Variants in LGALS3 observed in about 807,000 individuals in gnomAD.
LGALS3 encodes galectin 3.
Under a neutral mutation model 20.7 loss-of-function variants are expected in LGALS3, and 18 were observed. That is an observed-to-expected ratio of 0.87 (90% CI 0.60 to 1.29). The LOEUF is 1.29. LGALS3 is among the 50% of genes most tolerant of loss of function. The pLI, the probability that LGALS3 is intolerant of heterozygous loss-of-function variation, is 0.00. For synonymous variants in LGALS3, 112 were observed against 119.6 expected (o/e 0.94, Z 0.42); for missense variants, 315 against 314.7 (o/e 1.00, Z -0.01).
chr14:55,133,986 T>G (rs1247714385), intron 1 of LGALS3, among the ~76,000 whole-genome samples: 1 of 152,262 alleles, frequency 6.6e-6, no homozygotes, highest in Non-Finnish European at 1.5e-5. Context: ...CATGTAGGGA[T>G]ACACTGCTAA....
chr14:55,141,594 A>G (rs1159236435), intron 4 of LGALS3, among the ~76,000 whole-genome samples: 2 of 152,216 alleles, frequency 1.3e-5, no homozygotes, highest in Non-Finnish European at 2.9e-5. Context: ...GAAATGGTTA[A>G]TGGTAGTAAA....
At chr14:55,138,659 A>G (rs1015530751) in intron 3 of LGALS3, among the ~76,000 whole-genome samples, 4 of 152,218 alleles carry the variant, frequency 2.6e-5, no homozygotes, top group African/African-American at 9.6e-5. Context: ...TGTCAATAGT[A>G]TGCATCTACA....
intron 3 of LGALS3, among the ~76,000 whole-genome samples, chr14:55,139,451 C>G (rs1426891963): frequency 6.6e-6 from 1 of 152,096 alleles, no homozygotes; most frequent in African/African-American, 2.4e-5. Context: ...CTAGTACACA[C>G]CAGGACTAGA....
At chr14:55,137,026 G>A (rs1423220005) in intron 1 of LGALS3, among the ~76,000 whole-genome samples, 3 of 152,196 alleles carry the variant, frequency 2.0e-5, no homozygotes, top group Non-Finnish European at 4.4e-5. Flanking sequence ...AACTATGTCT[G>A]GAGGTCATTG....
intron 1 of LGALS3, among the ~76,000 whole-genome samples, chr14:55,134,312 C>T (rs562524357): frequency 6.6e-6 from 1 of 152,306 alleles, no homozygotes; most frequent in Admixed American, 6.5e-5. Flanking sequence ...CACAGGACAG[C>T]GCCCCACAGC....
chr14:55,138,378 C>T lies in LGALS3; in HGVS notation c.342+10C>T, dbSNP rs1881500003. On this transcript the variant is annotated intron_variant, in intron 3 of 5. Transcript: ENST00000254301. ...CCCTGCTGGGCCACTGGTGAGATGG[C>T]ATTCCTTCTTTCATGTACTTGACAT... is the stretch of plus-strand genomic sequence containing the variant. 1 of 1,612,262 alleles carries T rather than the reference C, an allele frequency of 6.2e-7. No homozygotes were observed. The highest frequency in any genetic ancestry group is 1.3e-5 in the African/African-American group (1 of 74,938).
rs764344346 is a variant in LGALS3 at position 55,129,551 on chromosome 14, CCA to C, written c.-5+257_-5+258del. Among the ~76,000 whole-genome samples the C allele has an allele frequency of 1.4e-4, 21 of 152,328 alleles. No homozygotes were observed. Among genetic ancestry groups the C allele is most frequent in the Admixed American group, 3.3e-4 (5 of 15,310 alleles). On this transcript the variant is annotated intron_variant, in intron 1 of 5. Transcript: ENST00000254301. This position sits in a 1 kb window ranked among gnomAD's most constrained non-coding sequence, Gnocchi z 5.3. ...GAAGGTTGGCAGCACCTTACGAGAC[CCA>C]CACACGTCCCCGGGGCGGCACGGGC...
intron 1 of LGALS3, among the ~76,000 whole-genome samples, chr14:55,130,962 CAAT>C (rs1162357041): frequency 6.6e-6 from 1 of 152,174 alleles, no homozygotes; most frequent in East Asian, 1.9e-4. Context: ...TTTTCTACAA[CAAT>C]AGTCTCCCTT....
intron 3 of LGALS3, among the ~76,000 whole-genome samples, chr14:55,139,786 G>A (rs769433400): frequency 6.6e-6 from 1 of 152,226 alleles, no homozygotes. Context: ...GAACCTCACA[G>A]TGTTAACAGT....
intron 1 of LGALS3, among the ~76,000 whole-genome samples, chr14:55,135,918 A>G (rs966795101): frequency 2.0e-5 from 3 of 152,216 alleles, no homozygotes; most frequent in African/African-American, 7.2e-5. Flanking sequence ...CTTGGGGCCG[A>G]TGCCATTTCT....
At chr14:55,138,597 A>G in intron 3 of LGALS3, 3 of 637,636 alleles carry the variant, frequency 4.7e-6, no homozygotes, top group Non-Finnish European at 8.3e-6. Context: ...ATATAAATCA[A>G]GATTGTAGTA....
chr14:55,137,093 G>T (rs1881419794), intron 1 of LGALS3: 3 of 545,094 alleles, frequency 5.5e-6, no homozygotes, highest in African/African-American at 3.8e-5. Context: ...CCAGAGTAGG[G>T]GATGGGGCAG....
Position 55,142,650 on chromosome 14 carries a change from CA to C in LGALS3, c.500del (p.Asn167ThrfsTer47). ...ACTTTAACCCACGCTTCAATGAGAA[CA>C]ACAGGAGAGTCATTGTTTGCAATAC... ...FHFNPRFNEN[N>X]RRVIVCNTKL... On this transcript the variant is annotated frameshift_variant, in exon 5 of 6. Transcript: ENST00000254301. LOFTEE classifies it high-confidence loss of function. 1.2e-6 allele frequency: 2 copies of C among 1,612,372 alleles called. No individual in the cohort carries two copies. The highest frequency in any genetic ancestry group is 1.7e-6 in the Non-Finnish European group (2 of 1,178,436).
intron 2 of LGALS3, chr14:55,137,737 G>C: frequency 7.5e-7 from 1 of 1,334,458 alleles, no homozygotes; most frequent in Non-Finnish European, 9.6e-7. Context: ...TTTTTCTCAC[G>C]GTGATGAAAA....
chr14:55,141,820 T>C (rs80057912), intron 4 of LGALS3, among the ~76,000 whole-genome samples: 2,096 of 152,304 alleles, frequency 0.014, 58 homozygotes, highest in African/African-American at 0.048. Flanking sequence ...TCTTTGTTAG[T>C]TGGTCTAGAG....
intron 1 of LGALS3, among the ~76,000 whole-genome samples, chr14:55,135,560 G>GGT (rs1555380241): frequency 0.019 from 2,062 of 106,666 alleles, 104 homozygotes; most frequent in African/African-American, 0.079. Flanking sequence ...ATATTTTATG[G>GGT]TTTTTTTTTT....
At chr14:55,130,013 C>T (rs1044322462) in intron 1 of LGALS3, among the ~76,000 whole-genome samples, 20 of 152,316 alleles carry the variant, frequency 1.3e-4, no homozygotes, top group African/African-American at 4.6e-4. Context: ...GGTGCTTGCC[C>T]CATGGCCTGA....
chr14:55,137,240 G>T, intron 1 of LGALS3, 130 bp from the exon 2 acceptor site: 1 of 890,376 alleles, frequency 1.1e-6, no homozygotes, highest in Non-Finnish European at 1.9e-6. Context: ...TTTTTGTGGC[G>T]CCACACTACT....
intron 1 of LGALS3, among the ~76,000 whole-genome samples, chr14:55,133,801 G>T (rs1201143695): frequency 2.0e-5 from 3 of 152,144 alleles, no homozygotes; most frequent in Non-Finnish European, 4.4e-5. Flanking sequence ...GCTTTGAAAA[G>T]AATAAATATT....
Sources: gnomAD v4.1 joint callset for allele counts (sites outside exome capture counted in the v4.1 genomes callset) on GRCh38, gnomAD v4.1.1 for gene constraint, Gnocchi (gnomAD v3.1) non-coding constraint, MANE v1.5 for transcripts, NCBI Gene and HGNC (gene_info 2026-07-23, HGNC 2026-07-21) for gene names.